Variants in MYO9A observed in about 807,000 individuals in gnomAD.
MYO9A encodes the protein myosin IXA.
Under a neutral mutation model 293.3 loss-of-function variants are expected in MYO9A, and 103 were observed. The observed-to-expected ratio is 0.35, with a 90% CI of 0.30 to 0.41. The LOEUF is 0.41. MYO9A is among the 10% of genes least tolerant of loss of function. The pLI, the probability that MYO9A is intolerant of heterozygous loss-of-function variation, is 1.00. For missense variants in MYO9A, 2,685 were observed against 3,033.0 expected (o/e 0.89, Z 2.69); for synonymous variants, 1,001 against 1,035.7 (o/e 0.97, Z 0.64).
At chr15:71,849,527 C>T (rs1442988551) in intron 38 of MYO9A, among the ~76,000 whole-genome samples, 1 of 151,990 alleles carries the variant, frequency 6.6e-6, no homozygotes, top group African/African-American at 2.4e-5. Context: ...AGGCTACACG[C>T]TACACCAATT....
chr15:72,033,047 C>G (rs766010053), intron 2 of MYO9A, among the ~76,000 whole-genome samples: 3 of 152,042 alleles, frequency 2.0e-5, no homozygotes, highest in Non-Finnish European at 2.9e-5. Context: ...GATGGGGTTT[C>G]AATGTGTTGC....
At chr15:71,841,140 T>C (rs2055143993) in intron 39 of MYO9A, among the ~76,000 whole-genome samples, 1 of 152,258 alleles carries the variant, frequency 6.6e-6, no homozygotes, top group Admixed American at 6.5e-5. Flanking sequence ...AGTTCCTTCA[T>C]TGATTTTCTT....
intron 6 of MYO9A, 114 bp from the exon 7 acceptor site, chr15:72,010,561 G>A: frequency 1.2e-6 from 1 of 812,986 alleles, no homozygotes; most frequent in Non-Finnish European, 1.9e-6. Context: ...ATGCAAATTA[G>A]AGCTGGTAGA....
At chr15:71,900,437 AAAAAAT>A (rs1175368475) in intron 23 of MYO9A, among the ~76,000 whole-genome samples, 1 of 152,136 alleles carries the variant, frequency 6.6e-6, no homozygotes, top group Non-Finnish European at 1.5e-5. Flanking sequence ...CTCTGTCTCA[AAAAAAT>A]AAAAATAAAA....
intron 32 of MYO9A, among the ~76,000 whole-genome samples, chr15:71,870,527 T>C (rs2056476591): frequency 6.6e-6 from 1 of 152,078 alleles, no homozygotes; most frequent in South Asian, 2.1e-4. Flanking sequence ...AATAAACACA[T>C]CAATGAATAA....
intron 1 of MYO9A, among the ~76,000 whole-genome samples, chr15:72,056,620 A>AT: frequency 6.6e-6 from 1 of 152,344 alleles, no homozygotes; most frequent in South Asian, 2.1e-4. Flanking sequence ...GGGATAACAA[A>AT]TTGGGTATAG....
In MYO9A at chr15:72,118,072, T is replaced by A. The variant is rs1176893270; in HGVS notation, c.-464A>T. 1.0e-5 allele frequency: 4 copies of A among 394,476 alleles called. No homozygotes were observed. The highest frequency in any genetic ancestry group is 6.2e-5 in the African/African-American group (3 of 48,340). The allele number at this position is 394,476 out of a possible 1,614,324, so 24.4% of individuals were successfully genotyped here. A position where few individuals can be genotyped will look rare whatever the true frequency, so the allele number is the denominator to read the frequency against. ...ACCGCCGCCGCGTCCCTTATCCGCT[T>A]CGGTCGCGCGCCCCCGACCCCGCGC... On this transcript the variant is annotated 5_prime_UTR_variant, in exon 1 of 42. Coordinates refer to ENST00000356056, the MANE Select transcript of MYO9A (RefSeq NM_006901.4).
intron 39 of MYO9A, among the ~76,000 whole-genome samples, chr15:71,847,009 T>C (rs2055416892): frequency 6.6e-6 from 1 of 152,232 alleles, no homozygotes; most frequent in Non-Finnish European, 1.5e-5. Context: ...TGATAGGAGA[T>C]GCTGAAAGTA....
intron 11 of MYO9A, among the ~76,000 whole-genome samples, chr15:71,983,466 A>ATTTTTTTTTTTTTTTTTTT (rs1217052840): frequency 1.2e-5 from 1 of 84,582 alleles, no homozygotes; most frequent in Non-Finnish European, 2.5e-5. Flanking sequence ...TATTTTTTTT[A>ATTTTTTTTTTTTTTTTTTT]TTTCTTTTTT....
At chr15:71,928,118 C>T (rs1381015858) in intron 18 of MYO9A, among the ~76,000 whole-genome samples, 3 of 94,658 alleles carry the variant, frequency 3.2e-5, no homozygotes, top group Admixed American at 1.3e-4. Context: ...TCGCCCAGGC[C>T]GGACTGCGGA....
intron 18 of MYO9A, among the ~76,000 whole-genome samples, chr15:71,932,763 T>C (rs138338142): frequency 1.5e-3 from 226 of 152,258 alleles, no homozygotes; most frequent in African/African-American, 4.8e-3. Flanking sequence ...AAGATTTATA[T>C]ACAGTATCTA....
Position 72,095,759 on chromosome 15 carries a change from T to G in MYO9A, c.-72+21921A>C, listed in dbSNP as rs1281355510. On this transcript the variant is annotated intron_variant, in intron 1 of 41. Coordinates refer to ENST00000356056, the MANE Select transcript of MYO9A (RefSeq NM_006901.4). ...TGAAACCAATGCTCATTGACCATTC[T>G]GAAAATCCTAGGGCTCTTGAGAATT... is the stretch of plus-strand genomic sequence containing the variant. Among the ~76,000 whole-genome samples, 4 of 71,022 alleles carry G rather than the reference T, an allele frequency of 5.6e-5. 2 individuals are homozygous for G. 46.6% of individuals were successfully genotyped at this position (71,022 alleles called of 152,430 possible).
chr15:71,953,870 G>A (rs539981689), intron 14 of MYO9A, among the ~76,000 whole-genome samples: 3 of 114,900 alleles, frequency 2.6e-5, no homozygotes, highest in Admixed American at 9.3e-5. Context: ...CTCATCAACT[G>A]TTTTTTTGTT....
intron 6 of MYO9A, among the ~76,000 whole-genome samples, chr15:72,018,194 A>G (rs940402023): frequency 6.6e-6 from 1 of 152,152 alleles, no homozygotes; most frequent in African/African-American, 2.4e-5. Context: ...TAGGCTGGGC[A>G]TAGTGGCTCA....
chr15:72,110,763 C>T (rs936962691), intron 1 of MYO9A, among the ~76,000 whole-genome samples: 1 of 152,200 alleles, frequency 6.6e-6, no homozygotes, highest in African/African-American at 2.4e-5. Context: ...AAAAATCACA[C>T]TTGAAAGACA....
In MYO9A at chr15:71,877,011, C is replaced by CA. The variant is rs2056715011; in HGVS notation, c.5931+1028dup. 2.6e-5 allele frequency among the ~76,000 whole-genome samples: 4 copies of CA among 151,982 alleles called. No individual in the cohort carries two copies. The South Asian group carries it at 8.3e-4, about 32-fold the overall frequency. On this transcript the variant is annotated intron_variant, in intron 31 of 41. Coordinates refer to ENST00000356056, the MANE Select transcript of MYO9A (RefSeq NM_006901.4). ...AGAACTTATTTATATCTGAAAACTT[C>CA]AAAAATGGGATTGAAGAGGTTTTGG...
chr15:71,934,239 A>C (rs1278851599), intron 17 of MYO9A, among the ~76,000 whole-genome samples: 1 of 152,058 alleles, frequency 6.6e-6, no homozygotes, highest in East Asian at 1.9e-4. Flanking sequence ...ACAGAAAAGA[A>C]GGAATAAAGT....
At chr15:71,832,529 G>A (rs1431568804) in intron 39 of MYO9A, among the ~76,000 whole-genome samples, 1 of 152,108 alleles carries the variant, frequency 6.6e-6, no homozygotes, top group Non-Finnish European at 1.5e-5. Context: ...AGAAATAATG[G>A]AATGCAGAAA....
chr15:71,982,005 A>ATTTTTTTTTTTTTTTTT (rs750930471), intron 11 of MYO9A, among the ~76,000 whole-genome samples: 2 of 56,258 alleles, frequency 3.6e-5, no homozygotes, highest in African/African-American at 1.7e-4. Context: ...CCTATTTAGA[A>ATTTTTTTTTTTTTTTTT]TTTTTTTTTT....
Sources: gnomAD v4.1 joint callset for allele counts (sites outside exome capture counted in the v4.1 genomes callset) on GRCh38, gnomAD v4.1.1 for gene constraint, MANE v1.5 for transcripts, NCBI Gene and HGNC (gene_info 2026-07-23, HGNC 2026-07-21) for gene names.